Variants in RCAN2 observed in about 807,000 individuals in gnomAD.
RCAN2 encodes the protein calcipressin-2.
RCAN2 carries 9 observed loss-of-function variants against 23.6 expected under a neutral mutation model. The ratio of observed to expected loss-of-function variants is 0.38; its 90% CI spans 0.23 to 0.67. The LOEUF (loss-of-function observed/expected upper bound fraction) is 0.67, where lower values mean the gene tolerates loss of function less well. Ranked by LOEUF, RCAN2 falls within the 30% of genes least tolerant of loss-of-function variation. RCAN2 has a pLI of 0.51. For synonymous variants in RCAN2, 109 were observed against 115.7 expected (o/e 0.94, Z 0.37); for missense variants, 273 against 302.3 (o/e 0.90, Z 0.72).
rs73452279 is a variant in RCAN2 at position 46,324,034 on chromosome 6, A to C, written c.226-75138T>G. On this transcript the variant is annotated intron_variant, in intron 2 of 4. Coordinates refer to ENST00000371374, the MANE Select transcript of RCAN2 (RefSeq NM_001251974.2). ...GAATTATGTTCCAGTGGTTACTGGAAGATGTCTCTCTACCTGGTTACCCAC... is the reference window on the plus strand; with the variant it reads ...GAATTATGTTCCAGTGGTTACTGGACGATGTCTCTCTACCTGGTTACCCAC... 4.2e-3 allele frequency among the ~76,000 whole-genome samples: 635 copies of C among 152,340 alleles called. 5 individuals are homozygous for C. Among genetic ancestry groups the C allele is most frequent in the African/African-American group, 0.015 (616 of 41,566 alleles).
chr6:46,239,904 A>G lies in RCAN2; in HGVS notation c.571+6844T>C, dbSNP rs1411748351. Among the ~76,000 whole-genome samples, 6 of 152,174 alleles carry G rather than the reference A, an allele frequency of 3.9e-5. No individual in the cohort carries two copies. In the East Asian group the frequency reaches 1.2e-3, roughly 29 times the overall value. On this transcript the variant is annotated intron_variant, in intron 4 of 4. Coordinates refer to ENST00000371374, the MANE Select transcript of RCAN2 (RefSeq NM_001251974.2). ...CTTTATGGGATCAACTGATTGACTG[A>G]GGACCTGAATTAATGGTTGAGAAAA... is the stretch of plus-strand genomic sequence containing the variant.
chr6:46,467,716 A>C (rs1008363711), intron 1 of RCAN2, among the ~76,000 whole-genome samples: 14 of 152,266 alleles, frequency 9.2e-5, no homozygotes, highest in Admixed American at 3.3e-4. Context: ...TACCTACTTC[A>C]CTGGGCTGTT....
chr6:46,251,393 CA>C (rs1252211910), intron 2 of RCAN2, among the ~76,000 whole-genome samples: 1 of 152,142 alleles, frequency 6.6e-6, no homozygotes, highest in Non-Finnish European at 1.5e-5. Flanking sequence ...GGGAAGTTTT[CA>C]GGAATAGGAG....
chr6:46,451,134 T>C (rs1259524044), intron 2 of RCAN2, among the ~76,000 whole-genome samples: 1 of 152,142 alleles, frequency 6.6e-6, no homozygotes, highest in Non-Finnish European at 1.5e-5. Context: ...TTGCTCACTT[T>C]ATGGCGTTTC....
intron 2 of RCAN2, among the ~76,000 whole-genome samples, chr6:46,332,740 G>T (rs901618930): frequency 1.3e-5 from 2 of 152,026 alleles, no homozygotes; most frequent in African/African-American, 4.8e-5. Flanking sequence ...CCAAGTCTTT[G>T]CTATTGTGAA....
At chr6:46,413,790 C>A (rs1766619501) in intron 2 of RCAN2, among the ~76,000 whole-genome samples, 2 of 152,152 alleles carry the variant, frequency 1.3e-5, no homozygotes, top group African/African-American at 4.8e-5. Flanking sequence ...TCTTACTGAA[C>A]TGGGGAAACC....
chr6:46,321,380 G>A (rs775887168), intron 2 of RCAN2, among the ~76,000 whole-genome samples: 22 of 152,188 alleles, frequency 1.4e-4, no homozygotes, highest in Admixed American at 3.3e-4. Context: ...GCATTGCCTG[G>A]TAGGTAATAA....
chr6:46,258,026 T>C (rs1236655242), intron 2 of RCAN2, among the ~76,000 whole-genome samples: 2 of 152,368 alleles, frequency 1.3e-5, no homozygotes, highest in African/African-American at 2.4e-5. Context: ...ACGCTTTATA[T>C]ATTTTTCAAT....
intron 1 of RCAN2, among the ~76,000 whole-genome samples, chr6:46,469,367 G>T (rs1467021620): frequency 6.6e-6 from 1 of 152,176 alleles, no homozygotes; most frequent in Non-Finnish European, 1.5e-5. Flanking sequence ...GTCCTTTCTG[G>T]CCTGCTGCAA....
rs542334567 is a variant in RCAN2, at chr6:46,325,674, A to G, written c.226-76778T>C. 2.2e-6 allele frequency: 3 copies of G among 1,386,156 alleles called. No homozygotes were observed. In the African/African-American group the frequency reaches 4.4e-5, roughly 20 times the overall value. 85.9% of individuals were successfully genotyped at this position (1,386,156 alleles called of 1,614,324 possible). A position where few individuals can be genotyped will look rare whatever the true frequency, so the allele number is the denominator to read the frequency against. ...TCTGAGGCAGCACAGCAGAGTAACG[A>G]ACGGCCCGGCTCGCTCATGGCAATG... On this transcript the variant is annotated intron_variant, in intron 2 of 4. Transcript: ENST00000371374.
chr6:46,333,692 A>T (rs1349432166), intron 2 of RCAN2, among the ~76,000 whole-genome samples: 1 of 152,184 alleles, frequency 6.6e-6, no homozygotes, highest in East Asian at 1.9e-4. Context: ...ACATTTTCCC[A>T]TCTGGTGGGT....
At chr6:46,464,034 C>A (rs887828150) in intron 1 of RCAN2, among the ~76,000 whole-genome samples, 1 of 152,038 alleles carries the variant, frequency 6.6e-6, no homozygotes, top group East Asian at 1.9e-4. Flanking sequence ...AATAATTCAT[C>A]CTGACTTCAA....
intron 4 of RCAN2, among the ~76,000 whole-genome samples, chr6:46,243,979 A>G (rs1038470566): frequency 1.3e-5 from 2 of 152,142 alleles, no homozygotes; most frequent in Non-Finnish European, 1.5e-5. Context: ...TGGAGTCAGA[A>G]GCGCCAGGGT....
At chr6:46,271,512 C>A (rs1418689540) in intron 2 of RCAN2, among the ~76,000 whole-genome samples, 1 of 152,138 alleles carries the variant, frequency 6.6e-6, no homozygotes, top group East Asian at 1.9e-4. Flanking sequence ...CGTGGCACTG[C>A]CAAGTTGACA....
At chr6:46,376,870 C>G (rs1170528376) in intron 2 of RCAN2, among the ~76,000 whole-genome samples, 1 of 150,820 alleles carries the variant, frequency 6.6e-6, no homozygotes, top group African/African-American at 2.4e-5. Flanking sequence ...CCGCCCCGCA[C>G]CCCCTCCCCC....
chr6:46,348,700 A>G (rs781109922), intron 2 of RCAN2, among the ~76,000 whole-genome samples: 1 of 152,196 alleles, frequency 6.6e-6, no homozygotes, highest in Non-Finnish European at 1.5e-5. Flanking sequence ...TTGTGTCAGG[A>G]AAGAATGGTA....
At chr6:46,356,630 G>A (rs1764840357) in intron 2 of RCAN2, among the ~76,000 whole-genome samples, 1 of 152,182 alleles carries the variant, frequency 6.6e-6, no homozygotes, top group Non-Finnish European at 1.5e-5. Context: ...CGTGCCTCAG[G>A]TGGGCTGGAA....
chr6:46,340,207 G>T (rs1419592822), intron 2 of RCAN2, among the ~76,000 whole-genome samples: 1 of 152,060 alleles, frequency 6.6e-6, no homozygotes, highest in Non-Finnish European at 1.5e-5. Context: ...ACAGTCTTCG[G>T]TGCTTGCCAT....
At chr6:46,288,544 C>T (rs1762442441) in intron 2 of RCAN2, among the ~76,000 whole-genome samples, 2 of 152,244 alleles carry the variant, frequency 1.3e-5, no homozygotes, top group Non-Finnish European at 2.9e-5. Flanking sequence ...GCTAAACAGA[C>T]TAGTAACTAT....
Sources: gnomAD v4.1 joint callset for allele counts (sites outside exome capture counted in the v4.1 genomes callset) on GRCh38, gnomAD v4.1.1 for gene constraint, MANE v1.5 for transcripts, NCBI Gene and HGNC (gene_info 2026-07-23, HGNC 2026-07-21) for gene names.